CTU2: variants seen among roughly 807,000 people sequenced by gnomAD.
The protein encoded by CTU2 is cytoplasmic tRNA 2-thiolation protein 2.
A neutral mutation model predicts 64.1 loss-of-function variants in CTU2; 80 were observed. The ratio of observed to expected loss-of-function variants is 1.25; its 90% CI spans 1.04 to 1.50. The LOEUF (loss-of-function observed/expected upper bound fraction) is 1.50, where lower values mean the gene tolerates loss of function less well. Among genes scored for constraint, CTU2 ranks in the 40% most tolerant of loss-of-function variants. The pLI is 0.00. For synonymous variants in CTU2, 482 were observed against 285.3 expected (o/e 1.69, Z -6.95); for missense variants, 1,110 against 690.2 (o/e 1.61, Z -6.81).
chr16:88,713,858 T>C (rs1911603783), intron 9 of CTU2, 80 bp downstream of exon 9: 1 of 1,567,802 alleles, frequency 6.4e-7, no homozygotes, highest in Non-Finnish European at 8.7e-7. Context: ...TCTCACAGGC[T>C]CAGGTCACCA....
chr16:88,714,258 T>A (rs748037506), intron 10 of CTU2, 31 bp downstream of exon 10: 1 of 1,600,308 alleles, frequency 6.2e-7, no homozygotes. Context: ...GTGCGGGGGG[T>A]GCGCGGGTGT....
intron 2 of CTU2, chr16:88,709,326 T>G (rs1451596714): frequency 2.0e-5 from 3 of 152,272 alleles, no homozygotes; most frequent in Non-Finnish European, 4.4e-5. Flanking sequence ...TTCTGTGGGG[T>G]TAGGGGAGGA....
At position 88,715,210 on chromosome 16, in the gene CTU2, T is replaced by G; in HGVS notation, c.1507T>G (p.Cys503Gly). 1 of 1,612,462 alleles carries G rather than the reference T, an allele frequency of 6.2e-7. No homozygotes were observed. The highest frequency in any genetic ancestry group is 1.7e-4 in the Middle Eastern group (1 of 6,060). The change falls in exon 15 of 15, where the codon TGT (cysteine) becomes GGT (glycine). Residue 503 changes from cysteine (C) to glycine (G), a missense_variant. Transcript: ENST00000453996. ...RAWGLQEIRDCLIEDSDDEAG... is the reference protein window; with the variant it reads ...RAWGLQEIRDGLIEDSDDEAG... ...CTGGGGCTTGCAGGAGATCCGGGAC[T>G]GTCTGATTGAGGACAGTGACGACGA...
intron 6 of CTU2, 34 bp from the exon 7 acceptor site, chr16:88,712,588 C>G (rs377641987): frequency 6.3e-7 from 1 of 1,597,706 alleles, no homozygotes; most frequent in Non-Finnish European, 8.5e-7. Flanking sequence ...TGCCCGTGTC[C>G]CGGGCCTCAC....
At chr16:88,711,898 C>G (rs776982731) in intron 5 of CTU2, among the ~76,000 whole-genome samples, 5 of 152,214 alleles carry the variant, frequency 3.3e-5, no homozygotes, top group Non-Finnish European at 5.9e-5. Flanking sequence ...TAGGTGGCAT[C>G]ACTGTTCCTG....
In CTU2 at chr16:88,712,143, C is replaced by T. The variant is rs550307026; in HGVS notation, c.344-131C>T. ...TGCCCAAAGGAAAATGGCCGACACCCCACAGCTCCGCCAGGAAGCACCGCC... is the reference window on the plus strand; with the variant it reads ...TGCCCAAAGGAAAATGGCCGACACCTCACAGCTCCGCCAGGAAGCACCGCC... On this transcript the variant is annotated intron_variant, in intron 5 of 14. Coordinates refer to ENST00000453996, the MANE Select transcript of CTU2 (RefSeq NM_001012759.3). 8 of 814,418 alleles carry T rather than the reference C, an allele frequency of 9.8e-6. No homozygotes were observed. The East Asian group carries it at 1.9e-4, about 19-fold the overall frequency. 50.4% of individuals were successfully genotyped at this position (814,418 alleles called of 1,614,324 possible).
intron 2 of CTU2, among the ~76,000 whole-genome samples, chr16:88,707,899 C>G (rs1264305496): frequency 1.3e-5 from 2 of 152,074 alleles, no homozygotes; most frequent in African/African-American, 4.8e-5. Context: ...CAACCTTTAC[C>G]TCCTGGGTTC....
Position 88,712,317 on chromosome 16 carries a change from C to T in CTU2, c.387C>T (p.Thr129=), listed in dbSNP as rs745307187. 1 of 1,610,006 alleles carries T rather than the reference C, an allele frequency of 6.2e-7. No individual in the cohort carries two copies. Among genetic ancestry groups the T allele is most frequent in the East Asian group, 2.2e-5 (1 of 44,812 alleles). The change falls in exon 6 of 15, where the codon ACC becomes ACT. Residue 129 remains threonine, a synonymous_variant. Transcript: ENST00000453996. ...CGQSLEERSK[T]LAEVKPILQA... is the part of the protein sequence containing the mutation. ...AGAGCCTAGAGGAGAGATCAAAGAC[C>T]CTGGCCGAAGTGAAGCCCATTCTGC...
intron 4 of CTU2, chr16:88,711,016 G>C (rs1230759755): frequency 6.5e-6 from 1 of 153,780 alleles, no homozygotes; most frequent in African/African-American, 2.4e-5. Context: ...GAGAGGTGCA[G>C]ACCGGAGGAG....
chr16:88,711,040 G>C (rs1173790323), intron 4 of CTU2: 1 of 153,560 alleles, frequency 6.5e-6, no homozygotes, highest in Admixed American at 6.5e-5. Context: ...GTTTCTGTGG[G>C]CTGGGTGGTT....
chr16:88,709,776 C>A (rs1911168508), intron 2 of CTU2, 162 bp from the exon 3 acceptor site: 1 of 671,884 alleles, frequency 1.5e-6, no homozygotes, highest in African/African-American at 1.8e-5. Flanking sequence ...GCCAGAGGGG[C>A]CAACCCCGCC....
At position 88,712,398 on chromosome 16, in the gene CTU2, C is replaced by T. The variant is rs955358756; in HGVS notation, c.453+15C>T. 1.9e-6 allele frequency: 3 copies of T among 1,583,192 alleles called. No individual in the cohort carries two copies. Among genetic ancestry groups the T allele is most frequent in the Non-Finnish European group, 2.6e-6 (3 of 1,161,488 alleles). On this transcript the variant is annotated intron_variant, in intron 6 of 14. Transcript: ENST00000453996. ...CCTTAGAGGAGGTGGGAGGGCTGTC[C>T]CTGGAAAGGGGTCCCGGAGGTGACC...
intron 2 of CTU2, 117 bp downstream of exon 2, chr16:88,707,327 G>T (rs1348802836): frequency 7.3e-6 from 7 of 955,662 alleles, no homozygotes; most frequent in Non-Finnish European, 9.9e-6. Flanking sequence ...CTTTATTCCT[G>T]CTCCTGATGG....
chr16:88,710,775 T>C (rs1267043940), intron 4 of CTU2: 6 of 162,622 alleles, frequency 3.7e-5, no homozygotes, highest in South Asian at 1.5e-4. Flanking sequence ...CGAGGGAAGA[T>C]TGGGAAAGGG....
Position 88,714,703 on chromosome 16 carries a change from TGG to T in CTU2, c.1320_1321del (p.Trp440CysfsTer19), listed in dbSNP as rs760077867. ...GCCCTGCTGTTCTCCAGGGGTGGGC[TGG>T]GCCCAGCGCTGTGGCCAGGGGGCCT... ...PGPCCSPGVG[W>X]AQRCGQGACR... On this transcript the variant is annotated frameshift_variant, in exon 12 of 15. Coordinates refer to ENST00000453996, the MANE Select transcript of CTU2 (RefSeq NM_001012759.3). LOFTEE classifies it high-confidence loss of function. 6.1e-5 allele frequency: 98 copies of T among 1,611,222 alleles called. 1 individual carries two copies. In the Admixed American group the frequency reaches 1.2e-3, roughly 20 times the overall value.
Position 88,713,444 on chromosome 16 carries a change from T to C in CTU2, c.870T>C (p.Asp290=), listed in dbSNP as rs1911534950. ...ALGRGAFLAW[D]TGFSDERHGD... ...GTCGAGGGGCCTTCCTGGCCTGGGA[T>C]ACGGTAGGCAGGGGCCTGGGTGTTC... is the stretch of plus-strand genomic sequence containing the variant. The change falls in exon 8 of 15, where the codon GAT becomes GAC. Residue 290 remains aspartate (D), a synonymous_variant. Coordinates refer to ENST00000453996, the MANE Select transcript of CTU2 (RefSeq NM_001012759.3). 1.9e-6 allele frequency: 3 copies of C among 1,577,860 alleles called. No homozygotes were observed. Among genetic ancestry groups the C allele is most frequent in the South Asian group, 1.2e-5 (1 of 85,988 alleles).
intron 5 of CTU2, 93 bp from the exon 6 acceptor site, chr16:88,712,181 G>T: frequency 9.3e-7 from 1 of 1,076,834 alleles, no homozygotes; most frequent in Non-Finnish European, 1.4e-6. Flanking sequence ...GCGGAGCGAG[G>T]CCTCGAAGGG....
rs1405925538 is a variant in CTU2, at chr16:88,714,439, GC to G, written c.1159del (p.Arg387AlafsTer37). On this transcript the variant is annotated frameshift_variant, in exon 11 of 15. Coordinates refer to ENST00000453996, the MANE Select transcript of CTU2 (RefSeq NM_001012759.3). LOFTEE classifies it high-confidence loss of function. ...PRDGPAAGDS[G>X]PRCLLCMCAL... ...GATGGCCCTGCTGCTGGCGACTCCG[GC>G]CCCCGCTGCCTCCTCTGCATGTGTG... 1 of 1,612,428 alleles carries G rather than the reference GC, an allele frequency of 6.2e-7. No individual in the cohort carries two copies. The highest frequency in any genetic ancestry group is 8.5e-7 in the Non-Finnish European group (1 of 1,179,836).
chr16:88,709,699 G>T, intron 2 of CTU2: 2 of 546,182 alleles, frequency 3.7e-6, no homozygotes, highest in Non-Finnish European at 6.5e-6. Flanking sequence ...AGCCTCCGTG[G>T]CTGTGCAGTT....
Sources: gnomAD v4.1 joint callset for allele counts (sites outside exome capture counted in the v4.1 genomes callset) on GRCh38, gnomAD v4.1.1 for gene constraint, MANE v1.5 for transcripts, NCBI Gene and HGNC (gene_info 2026-07-23, HGNC 2026-07-21) for gene names.